Variants in DNAJC14 observed in about 807,000 individuals in gnomAD.
DNAJC14 encodes the protein DnaJ heat shock protein family (Hsp40) member C14, also known as dnaJ homolog subfamily C member 14.
Under a neutral mutation model 68.8 loss-of-function variants are expected in DNAJC14, and 12 were observed. The ratio of observed to expected loss-of-function variants is 0.17; its 90% confidence interval spans 0.11 to 0.28. The LOEUF is 0.28. Among genes scored for constraint, DNAJC14 ranks in the 10% least tolerant of loss-of-function variants. The probability of loss-of-function intolerance (pLI) is 1.00; values close to 1 mark genes in which losing one functional copy is unlikely to be tolerated. For missense variants in DNAJC14, 764 were observed against 875.6 expected, an observed-to-expected ratio of 0.87 and a Z score of 1.61; for synonymous variants, 350 against 321.5, an observed-to-expected ratio of 1.09 and a Z score of -0.95.
chr12:55,826,368 T>C (rs1020325483), intron 2 of DNAJC14, among the ~76,000 whole-genome samples: 3 of 144,622 alleles, frequency 2.1e-5, no homozygotes, highest in African/African-American at 7.8e-5. Context: ...CCTCCTGGGC[T>C]CAACTGATCC....
chr12:55,825,123 C>T (rs1213266991), intron 2 of DNAJC14, among the ~76,000 whole-genome samples: 2 of 144,230 alleles, frequency 1.4e-5, no homozygotes, highest in South Asian at 2.2e-4. Flanking sequence ...GGAGTGAGAC[C>T]CTGTCTCAAA....
At chr12:55,826,069 AAAAG>A (rs1433435701) in intron 2 of DNAJC14, among the ~76,000 whole-genome samples, 2 of 152,058 alleles carry the variant, frequency 1.3e-5, no homozygotes, top group African/African-American at 2.4e-5. Context: ...GTTTAAAAAA[AAAAG>A]AAAACCCTCA....
At chr12:55,829,593 C>G, upstream of DNAJC14, 1 of 985,520 alleles carries the variant, frequency 1.0e-6, no homozygotes, top group Non-Finnish European at 1.2e-6. Context: ...GCTCTGCTTC[C>G]GCCTTCCGTC....
chr12:55,826,901 A>C (rs1009143832), intron 2 of DNAJC14, among the ~76,000 whole-genome samples: 4 of 151,816 alleles, frequency 2.6e-5, no homozygotes, highest in Non-Finnish European at 5.9e-5. Context: ...TAGAAAATAT[A>C]GGAACAGGCT....
At position 55,821,962 on chromosome 12, in the gene DNAJC14, GAA is replaced by G; in HGVS notation, c.*13_*14del. Reference sequence around the variant, plus strand: ...TTTGACTCCCTGACATTGATTTGAGGAAAGAGAAGGGGCATCAACGTTGGAAG... The same window carrying G: ...TTTGACTCCCTGACATTGATTTGAGGAGAGAAGGGGCATCAACGTTGGAAG... On this transcript the variant is annotated 3_prime_UTR_variant, in exon 7 of 7. Coordinates refer to ENST00000678005, the MANE Select transcript of DNAJC14 (RefSeq NM_032364.6). 1 of 1,598,824 alleles carries G rather than the reference GAA, an allele frequency of 6.3e-7. No individual in the cohort carries two copies. The highest frequency in any genetic ancestry group is 8.5e-7 in the Non-Finnish European group (1 of 1,173,618).
intron 2 of DNAJC14, among the ~76,000 whole-genome samples, chr12:55,825,091 CTG>C (rs1880758220): frequency 6.9e-6 from 1 of 145,694 alleles, no homozygotes; most frequent in African/African-American, 2.6e-5. Context: ...GATCCTGCCA[CTG>C]TACTCCAGCC....
chr12:55,826,585 A>G (rs1880800471), intron 2 of DNAJC14, among the ~76,000 whole-genome samples: 1 of 152,052 alleles, frequency 6.6e-6, no homozygotes, highest in Non-Finnish European at 1.5e-5. Flanking sequence ...GCGGATCATG[A>G]GGTCAGGAGA....
In DNAJC14 at chr12:55,827,881, C is replaced by G. The variant is rs1225712376; in HGVS notation, c.778G>C (p.Val260Leu). The change falls in exon 2 of 7, where the codon GTA (valine) becomes CTA (leucine). Residue 260 changes from valine (V) to leucine (L), a missense_variant. Coordinates refer to ENST00000678005, the MANE Select transcript of DNAJC14 (RefSeq NM_032364.6). ...AGFWWLIELLVLVGEYVETCG... is the reference protein window; with the variant it reads ...AGFWWLIELLLLVGEYVETCG... ...GTTTCTACGTACTCTCCCACCAATA[C>G]CAGCAGTTCAATCAGCCACCAAAAG... The G allele has an allele frequency of 5.1e-5, 82 of 1,610,976 alleles. No individual in the cohort carries two copies. The highest frequency in any genetic ancestry group is 6.3e-5 in the Non-Finnish European group (74 of 1,177,830).
intron 2 of DNAJC14, among the ~76,000 whole-genome samples, chr12:55,827,033 C>A (rs983918151): frequency 3.3e-5 from 5 of 149,392 alleles, no homozygotes; most frequent in African/African-American, 1.2e-4. Flanking sequence ...ACTAAAAATA[C>A]AAAAAAAATT....
chr12:55,822,533 A>G (rs960807018), intron 5 of DNAJC14, 39 bp downstream of exon 5: 6 of 1,613,762 alleles, frequency 3.7e-6, no homozygotes, highest in Non-Finnish European at 5.1e-6. Context: ...ATAAAAGATC[A>G]GGAAGTATGA....
chr12:55,823,452 T>G lies in DNAJC14; in HGVS notation c.1464A>C (p.Arg488=). ...CATTGCTGACAATGTCCCAAGCTGC[T>G]CGCAAAACCTTGAAGGCCTCCTCAG... ...PRAEEAFKVL[R]AAWDIVSNAE... is the part of the protein sequence containing the mutation. Residue 488 remains arginine, a synonymous_variant, in exon 3 of 7, where the codon CGA becomes CGC. Coordinates refer to ENST00000678005, the MANE Select transcript of DNAJC14 (RefSeq NM_032364.6). 6.2e-7 allele frequency: 1 copy of G among 1,614,192 alleles called. No homozygotes were observed. Among genetic ancestry groups the G allele is most frequent in the Non-Finnish European group, 8.5e-7 (1 of 1,180,046 alleles).
intron 2 of DNAJC14, among the ~76,000 whole-genome samples, chr12:55,824,042 ATATC>A (rs931593313): frequency 4.7e-4 from 72 of 151,904 alleles, no homozygotes; most frequent in African/African-American, 1.5e-3. Context: ...GTCAGCCTGA[ATATC>A]TATCATGGAT....
intron 6 of DNAJC14, 43 bp downstream of exon 6, chr12:55,822,330 A>G (rs1263438777): frequency 6.3e-7 from 1 of 1,594,088 alleles, no homozygotes; most frequent in Non-Finnish European, 8.5e-7. Flanking sequence ...ACCGTATTCA[A>G]AACTGAAATA....
rs556571102 is a variant in DNAJC14, at chr12:55,822,821, C to T, written c.1635-89G>A. ...GTCTTACCATTATTCACAAATAGGG[C>T]TGAAACATCTAAAATTACCCCACTT... On this transcript the variant is annotated intron_variant, in intron 4 of 6. Transcript: ENST00000678005. The T allele has an allele frequency of 4.6e-6, 7 of 1,512,786 alleles. No individual in the cohort carries two copies. In the South Asian group the frequency reaches 7.5e-5, roughly 16 times the overall value. The allele number at this position is 1,512,786 out of a possible 1,614,324, so 93.7% of individuals were successfully genotyped here. A position where few individuals can be genotyped will look rare whatever the true frequency, so the allele number is the denominator to read the frequency against.
intron 2 of DNAJC14, among the ~76,000 whole-genome samples, chr12:55,826,902 G>A (rs1276390903): frequency 6.6e-6 from 1 of 151,594 alleles, no homozygotes; most frequent in East Asian, 2.0e-4. Context: ...AGAAAATATA[G>A]GAACAGGCTG....
chr12:55,823,824 CCT>C (rs1880730302), intron 2 of DNAJC14, among the ~76,000 whole-genome samples: 1 of 150,678 alleles, frequency 6.6e-6, no homozygotes, highest in Non-Finnish European at 1.5e-5. Flanking sequence ...CCTGCCTCAG[CCT>C]CTCTAGTAGG....
At position 55,827,986 on chromosome 12, in the gene DNAJC14, G is replaced by C. The variant is rs767435628; in HGVS notation, c.673C>G (p.Arg225Gly). The change falls in exon 2 of 7, where the codon CGG becomes GGG. Residue 225 changes from arginine to glycine, a missense_variant. Transcript: ENST00000678005. ...CGCTTATCTGCCTGACTTCGTTTCCGACCCAGCCGATGTCGACCAGGGGAC... is the reference window on the plus strand; with the variant it reads ...CGCTTATCTGCCTGACTTCGTTTCCCACCCAGCCGATGTCGACCAGGGGAC... The part of the protein sequence containing the change: ...PRSPGRHRLG[R>G]KRSQADKRKG... 9 of 1,613,012 alleles carry C rather than the reference G, an allele frequency of 5.6e-6. No individual in the cohort carries two copies. In the South Asian group the frequency reaches 8.8e-5, roughly 16 times the overall value.
At chr12:55,826,477 GC>G (rs972806961) in intron 2 of DNAJC14, among the ~76,000 whole-genome samples, 4 of 151,682 alleles carry the variant, frequency 2.6e-5, no homozygotes, top group African/African-American at 9.7e-5. Context: ...ACTGCACCTG[GC>G]CCAAAAAGTC....
chr12:55,828,731 G>A lies in DNAJC14; in HGVS notation c.-56-17C>T, dbSNP rs1336874679. The stretch of plus-strand genomic sequence containing the variant: ...TTCTGATGCCTGTAACAGATATCAA[G>A]GTGGAGACAGTCAAGGATGAGACCA... On this transcript the variant is annotated splice_polypyrimidine_tract_variant and intron_variant, in intron 1 of 6. Transcript: ENST00000678005. 2.0e-6 allele frequency: 3 copies of A among 1,498,938 alleles called. No individual in the cohort carries two copies. Among genetic ancestry groups the A allele is most frequent in the African/African-American group, 1.4e-5 (1 of 71,432 alleles). The allele number at this position is 1,498,938 out of a possible 1,614,324, so 92.9% of individuals were successfully genotyped here. A position where few individuals can be genotyped will look rare whatever the true frequency, so the allele number is the denominator to read the frequency against.
Sources: gnomAD v4.1 joint callset for allele counts (sites outside exome capture counted in the v4.1 genomes callset) on GRCh38, gnomAD v4.1.1 for gene constraint, MANE v1.5 for transcripts, NCBI Gene and HGNC (gene_info 2026-07-23, HGNC 2026-07-21) for gene names.